The following MTMR10 variants were observed in gnomAD, a reference collection of about 807,000 sequenced individuals.
The protein encoded by MTMR10 is myotubularin related protein 10.
MTMR10 carries 56 observed loss-of-function variants against 88.1 expected under a neutral mutation model. The observed-to-expected ratio is 0.64, with a 90% CI of 0.51 to 0.79. The LOEUF (loss-of-function observed/expected upper bound fraction) is 0.79. Ranked by LOEUF, MTMR10 falls within the 30% of genes least tolerant of loss-of-function variation. The probability of loss-of-function intolerance (pLI) is 0.00; values close to 1 mark genes in which losing one functional copy is unlikely to be tolerated. For missense variants in MTMR10, 883 were observed against 924.7 expected (o/e 0.95, Z 0.58); for synonymous variants, 380 against 340.9 (o/e 1.11, Z -1.26).
chr15:30,960,751 A>G, intron 7 of MTMR10, 130 bp downstream of exon 7: 1 of 1,180,984 alleles, frequency 8.5e-7, no homozygotes, highest in Non-Finnish European at 1.1e-6. Flanking sequence ...TAAAATATTT[A>G]TTAAAACATT....
At position 30,940,336 on chromosome 15, in the gene MTMR10, T is replaced by C. The variant is rs2062999114; in HGVS notation, c.*1134A>G. The C allele has an allele frequency of 1.0e-6, 1 of 985,324 alleles. No individual in the cohort carries two copies. Among genetic ancestry groups the C allele is most frequent in the African/African-American group, 1.7e-5 (1 of 57,232 alleles). 61.0% of individuals were successfully genotyped at this position (985,324 alleles called of 1,614,324 possible). A position where few individuals can be genotyped will look rare whatever the true frequency, so the allele number is the denominator to read the frequency against. On this transcript the variant is annotated 3_prime_UTR_variant, in exon 16 of 16. Transcript: ENST00000435680. ...CTGTGTCTGCTCATTCTCCTCAACTTTGCTGTCCAAAGTTGGGGGCTGGGG... is the reference window on the plus strand; with the variant it reads ...CTGTGTCTGCTCATTCTCCTCAACTCTGCTGTCCAAAGTTGGGGGCTGGGG...
At chr15:30,930,503 C>A in the MTMR10 span, 2 of 1,559,114 alleles carry the variant, frequency 1.3e-6, no homozygotes, top group Non-Finnish European at 1.7e-6. Flanking sequence ...CATTCTCTGT[C>A]ACGAGGGAAG....
rs950362438 is a variant in MTMR10 at position 30,958,752 on chromosome 15, C to T, written c.935+111G>A. 5.0e-5 allele frequency: 55 copies of T among 1,105,358 alleles called. No individual in the cohort carries two copies. In the African/African-American group the frequency reaches 8.6e-4, roughly 17 times the overall value. The allele number at this position is 1,105,358 out of a possible 1,614,324, so 68.5% of individuals were successfully genotyped here. The stretch of plus-strand genomic sequence containing the variant: ...GGCAATTCTTATATAAAACATGGTG[C>T]TAACTAATTAGTAAGACTATGCATT... On this transcript the variant is annotated intron_variant, in intron 9 of 15. Transcript: ENST00000435680.
the MTMR10 span, chr15:30,922,154 C>G: frequency 6.7e-7 from 1 of 1,498,966 alleles, no homozygotes; most frequent in African/African-American, 1.4e-5. Flanking sequence ...ATAGGCTTTA[C>G]CAATCCTATG....
rs2030646720 is a variant in MTMR10 at position 30,982,481 on chromosome 15, A to C, written c.122-5526T>G. On this transcript the variant is annotated intron_variant, in intron 2 of 15. Coordinates refer to ENST00000435680, the MANE Select transcript of MTMR10 (RefSeq NM_017762.3). ...AATAAACAAGAGACACAACATTAAC[A>C]ACAGCCAAAAAAAAGAAAAAAGAAA... Among the ~76,000 whole-genome samples the C allele has an allele frequency of 2.0e-5, 3 of 152,166 alleles. No homozygotes were observed. In the South Asian group the frequency reaches 6.2e-4, roughly 32 times the overall value.
chr15:30,927,051 C>T, the MTMR10 span: 15 of 981,536 alleles, frequency 1.5e-5, no homozygotes, highest in South Asian at 5.7e-4. Context: ...GTAGCTTACA[C>T]TTGTAATCCC....
Position 30,940,249 on chromosome 15 carries a change from T to C in MTMR10, c.*1221A>G. The stretch of plus-strand genomic sequence containing the variant: ...CAGCTTTGACCGCTACAGTGGTAGG[T>C]AGGCTCTTGTCACACAGTTTGGAAA... On this transcript the variant is annotated 3_prime_UTR_variant, in exon 16 of 16. Transcript: ENST00000435680. 1.0e-6 allele frequency: 1 copy of C among 984,452 alleles called. No individual in the cohort carries two copies. The highest frequency in any genetic ancestry group is 4.7e-5 in the South Asian group (1 of 21,224). The allele number at this position is 984,452 out of a possible 1,614,324, so 61.0% of individuals were successfully genotyped here. A position where few individuals can be genotyped will look rare whatever the true frequency, so the allele number is the denominator to read the frequency against.
chr15:30,926,155 T>C, the MTMR10 span, among the ~76,000 whole-genome samples: 1 of 152,240 alleles, frequency 6.6e-6, no homozygotes, highest in Admixed American at 6.5e-5. Flanking sequence ...TGATCTTTTT[T>C]CTTTTATAAA....
chr15:30,980,688 G>A (rs1363520382), intron 2 of MTMR10, among the ~76,000 whole-genome samples: 1 of 152,112 alleles, frequency 6.6e-6, no homozygotes, highest in Non-Finnish European at 1.5e-5. Flanking sequence ...AGGGGAAACA[G>A]AAGATGAGTC....
rs1219243738 is a variant in MTMR10, at chr15:30,941,657, A to G, written c.2147T>C (p.Met716Thr). ...GTGAGGGCCGCTGGCGTTGAAGTACATCCTGCTCTGGCCCAGCTCCCCATA... is the reference window on the plus strand; with the variant it reads ...GTGAGGGCCGCTGGCGTTGAAGTACGTCCTGCTCTGGCCCAGCTCCCCATA... Reference protein sequence around the residue: ...ACYGELGQSRMYFNASGPHHT... With the variant: ...ACYGELGQSRTYFNASGPHHT... The change falls in exon 16 of 16, where the codon ATG becomes ACG. Residue 716 changes from methionine to threonine, a missense_variant. Physicochemically the swap from Met to Thr is moderately conservative, Grantham distance 81. Around this residue, in one of 3 missense-constraint regions of MTMR10, gnomAD observed 343 missense variants for 323.2 expected, o/e 1.06. Transcript: ENST00000435680. 1.2e-6 allele frequency: 2 copies of G among 1,612,510 alleles called. No individual in the cohort carries two copies. Among genetic ancestry groups the G allele is most frequent in the Non-Finnish European group, 1.7e-6 (2 of 1,179,298 alleles).
chr15:30,949,120 A>C (rs1180555061), intron 12 of MTMR10: 1 of 152,326 alleles, frequency 6.6e-6, no homozygotes, highest in Non-Finnish European at 1.5e-5. Context: ...GGACAAAACC[A>C]ACACGATTAT....
At chr15:30,959,727 C>A (rs1376260896) in intron 7 of MTMR10, among the ~76,000 whole-genome samples, 1 of 152,228 alleles carries the variant, frequency 6.6e-6, no homozygotes, top group Non-Finnish European at 1.5e-5. Flanking sequence ...AAGATACAAG[C>A]TACATGCTGC....
At chr15:30,980,611 A>C (rs1440194509) in intron 2 of MTMR10, among the ~76,000 whole-genome samples, 1 of 152,232 alleles carries the variant, frequency 6.6e-6, no homozygotes, top group East Asian at 1.9e-4. Flanking sequence ...TCTTGCTTTT[A>C]AAATACCATT....
At chr15:30,982,588 TG>T (rs2030655084) in intron 2 of MTMR10, among the ~76,000 whole-genome samples, 1 of 152,146 alleles carries the variant, frequency 6.6e-6, no homozygotes, top group African/African-American at 2.4e-5. Context: ...AATGAGCCCT[TG>T]GAAGAGAGCA....
Position 30,940,706 on chromosome 15 carries a change from G to A in MTMR10, c.*764C>T, listed in dbSNP as rs868500473. ...AGGAACAAGACTCTGGGGACTCCTGGCTATGAAGCTTAGTATGAAAAGCCT... is the reference window on the plus strand; with the variant it reads ...AGGAACAAGACTCTGGGGACTCCTGACTATGAAGCTTAGTATGAAAAGCCT... On this transcript the variant is annotated 3_prime_UTR_variant, in exon 16 of 16. Coordinates refer to ENST00000435680, the MANE Select transcript of MTMR10 (RefSeq NM_017762.3). The A allele has an allele frequency of 1.7e-5, 17 of 988,218 alleles. No homozygotes were observed. In the South Asian group the frequency reaches 7.4e-4, roughly 43 times the overall value. The allele number at this position is 988,218 out of a possible 1,614,324, so 61.2% of individuals were successfully genotyped here.
intron 5 of MTMR10, among the ~76,000 whole-genome samples, chr15:30,973,071 T>A (rs1435771508): frequency 6.6e-6 from 1 of 152,222 alleles, no homozygotes; most frequent in African/African-American, 2.4e-5. Context: ...CTTGAGGAAT[T>A]AACCTGTCTG....
chr15:30,967,784 G>A lies in MTMR10; in HGVS notation c.565+136C>T, dbSNP rs371227449. On this transcript the variant is annotated intron_variant, in intron 6 of 15. Coordinates refer to ENST00000435680, the MANE Select transcript of MTMR10 (RefSeq NM_017762.3). Reference sequence around the variant, plus strand: ...AAACTATTGGCTCTTTTAGCATGTAGTGCTTACTTCTCTAAGGTATGAAGC... The same window carrying A: ...AAACTATTGGCTCTTTTAGCATGTAATGCTTACTTCTCTAAGGTATGAAGC... 4 of 648,292 alleles carry A rather than the reference G, an allele frequency of 6.2e-6. No homozygotes were observed. The African/African-American group carries it at 7.5e-5, about 12-fold the overall frequency. The allele number at this position is 648,292 out of a possible 1,614,324, so 40.2% of individuals were successfully genotyped here.
chr15:30,966,147 A>C, intron 6 of MTMR10: 1 of 378,490 alleles, frequency 2.6e-6, no homozygotes, highest in Non-Finnish European at 5.4e-6. Flanking sequence ...AGGAGTCTGA[A>C]GGATGTAATA....
chr15:30,976,892 T>C lies in MTMR10; in HGVS notation c.185A>G (p.Tyr62Cys), dbSNP rs1223248102. 1.2e-6 allele frequency: 2 copies of C among 1,613,768 alleles called. No homozygotes were observed. Among genetic ancestry groups the C allele is most frequent in the Non-Finnish European group, 1.7e-6 (2 of 1,179,782 alleles). Residue 62 changes from tyrosine to cysteine, a missense_variant, in exon 3 of 16, where the codon TAC (tyrosine) becomes TGC (cysteine). Coordinates refer to ENST00000435680, the MANE Select transcript of MTMR10 (RefSeq NM_017762.3). ...GCATATCAGCTTTCCCCACAAATCG[T>C]ACTGGCTTGTGTCTGTTGCAATGCA... ...RKCIATDTSQ[Y>C]DLWGKLICSN...
Sources: gnomAD v4.1 joint callset for allele counts (sites outside exome capture counted in the v4.1 genomes callset) on GRCh38, gnomAD v4.1.1 for gene constraint, gnomAD v4.1.1 regional missense constraint, MANE v1.5 for transcripts, NCBI Gene and HGNC (gene_info 2026-07-23, HGNC 2026-07-21) for gene names.